Variants in DIS3L2 observed in about 807,000 individuals in gnomAD.
The protein encoded by DIS3L2 is DIS3-like exonuclease 2.
Under a neutral mutation model 97.5 loss-of-function variants are expected in DIS3L2, and 34 were observed. That is an observed-to-expected ratio of 0.35 (90% CI 0.27 to 0.46). The LOEUF (loss-of-function observed/expected upper bound fraction) is 0.46, where lower values mean the gene tolerates loss of function less well. Among genes scored for constraint, DIS3L2 ranks in the 20% least tolerant of loss-of-function variants. The pLI is 1.00. For missense variants in DIS3L2, 1,038 were observed against 1,146.0 expected (o/e 0.91, Z 1.36); for synonymous variants, 435 against 445.2 (o/e 0.98, Z 0.29).
chr2:232,342,553 C>T (rs775597624), intron 13 of DIS3L2, among the ~76,000 whole-genome samples: 5 of 152,204 alleles, frequency 3.3e-5, no homozygotes, highest in Non-Finnish European at 7.4e-5. Flanking sequence ...ATGCTAATAG[C>T]ACAGGAATGA....
chr2:232,210,770 G>T (rs983712173), intron 10 of DIS3L2, among the ~76,000 whole-genome samples: 1 of 151,636 alleles, frequency 6.6e-6, no homozygotes, highest in Non-Finnish European at 1.5e-5. Flanking sequence ...GAGACATAGG[G>T]TTCTTTACCT....
intron 6 of DIS3L2, among the ~76,000 whole-genome samples, chr2:232,090,018 C>T (rs1414951979): frequency 6.6e-6 from 1 of 152,140 alleles, no homozygotes; most frequent in Non-Finnish European, 1.5e-5. Context: ...CAGCCTTGTC[C>T]TCCTGGGCTC....
chr2:232,045,543 T>C (rs1695215586), intron 5 of DIS3L2, among the ~76,000 whole-genome samples: 1 of 152,186 alleles, frequency 6.6e-6, no homozygotes, highest in Non-Finnish European at 1.5e-5. Context: ...AGGAATGCTG[T>C]GTCCTCACAT....
At chr2:232,081,696 G>T (rs1696405401) in intron 5 of DIS3L2, among the ~76,000 whole-genome samples, 1 of 152,144 alleles carries the variant, frequency 6.6e-6, no homozygotes. Flanking sequence ...TAGCTTTCTT[G>T]TTTTCCCAGT....
intron 5 of DIS3L2, among the ~76,000 whole-genome samples, chr2:232,034,401 T>C (rs898324434): frequency 7.2e-5 from 11 of 152,144 alleles, no homozygotes; most frequent in African/African-American, 1.2e-4. Flanking sequence ...ATTTTGTTAA[T>C]GTTTTCAAAA....
chr2:232,091,291 C>G (rs944126941), intron 6 of DIS3L2, among the ~76,000 whole-genome samples: 3 of 152,136 alleles, frequency 2.0e-5, no homozygotes, highest in Admixed American at 2.0e-4. Flanking sequence ...TAACCATTGC[C>G]ACTTCTCCCC....
chr2:232,056,818 C>T (rs113897851), intron 5 of DIS3L2, among the ~76,000 whole-genome samples: 8 of 152,210 alleles, frequency 5.3e-5, no homozygotes, highest in Admixed American at 1.3e-4. Flanking sequence ...TTCTCATATA[C>T]TGCTAGTGGG....
At chr2:231,987,921 G>A (rs1393622535) in intron 1 of DIS3L2, among the ~76,000 whole-genome samples, 4 of 151,922 alleles carry the variant, frequency 2.6e-5, no homozygotes, top group South Asian at 2.1e-4. Context: ...CTCACTGTGC[G>A]CGACCTCTGC....
intron 5 of DIS3L2, among the ~76,000 whole-genome samples, chr2:232,046,003 G>A (rs940327812): frequency 1.3e-5 from 2 of 152,086 alleles, no homozygotes; most frequent in African/African-American, 4.8e-5. Context: ...TAACACTGGC[G>A]ACACCTGAAT....
At position 232,064,467 on chromosome 2, in the gene DIS3L2, TTGA is replaced by T. The variant is rs138737517; in HGVS notation, c.367-23015_367-23013del. Among the ~76,000 whole-genome samples the T allele has an allele frequency of 8.3e-3, 1,268 of 152,324 alleles. 16 individuals are homozygous for T. The highest frequency in any genetic ancestry group is 0.03 in the African/African-American group (1,230 of 41,568). On this transcript the variant is annotated intron_variant, in intron 5 of 20. Coordinates refer to ENST00000325385, the MANE Select transcript of DIS3L2 (RefSeq NM_152383.5). ...AGGACATTTTGGTTGTTTTCAGTTT[TTGA>T]TGATTAAGAACAATGCCCCTGTGAA...
At chr2:232,075,312 G>A (rs768377036) in intron 5 of DIS3L2, among the ~76,000 whole-genome samples, 3 of 152,212 alleles carry the variant, frequency 2.0e-5, no homozygotes, top group Non-Finnish European at 4.4e-5. Flanking sequence ...CAGTTAATGT[G>A]TATAAAAGCA....
chr2:232,300,884 G>A (rs962460008), intron 14 of DIS3L2, among the ~76,000 whole-genome samples: 7 of 151,976 alleles, frequency 4.6e-5, no homozygotes, highest in African/African-American at 1.7e-4. Flanking sequence ...GAACTCCTGA[G>A]CTCAAGCGAT....
In DIS3L2 at chr2:232,024,153, T is replaced by C. The variant is rs577428896; in HGVS notation, c.211-124T>C. 44 of 625,102 alleles carry C rather than the reference T, an allele frequency of 7.0e-5. No individual in the cohort carries two copies. The African/African-American group carries it at 7.2e-4, about 10-fold the overall frequency. The allele number at this position is 625,102 out of a possible 1,614,324, so 38.7% of individuals were successfully genotyped here. On this transcript the variant is annotated intron_variant, in intron 3 of 20. Transcript: ENST00000325385. Reference sequence around the variant, plus strand: ...TCCTGCATTTAATGAATATTTCTTATACATCTAACTTGTTTTCTCAAGTGA... The same window carrying C: ...TCCTGCATTTAATGAATATTTCTTACACATCTAACTTGTTTTCTCAAGTGA...
chr2:232,337,687 C>T (rs1422693250), downstream of DIS3L2, among the ~76,000 whole-genome samples: 1 of 152,040 alleles, frequency 6.6e-6, no homozygotes, highest in African/African-American at 2.4e-5. Context: ...TGAGCACGGC[C>T]TCTGTTCCCC....
downstream of DIS3L2, among the ~76,000 whole-genome samples, chr2:232,339,213 T>G (rs1471544725): frequency 1.3e-5 from 2 of 152,146 alleles, no homozygotes; most frequent in African/African-American, 4.8e-5. Flanking sequence ...TTACACAGCC[T>G]GGGGTGGCAG....
At chr2:232,300,224 G>A (rs1278430449) in intron 14 of DIS3L2, 105 bp downstream of exon 14, 1 of 1,056,306 alleles carries the variant, frequency 9.5e-7, no homozygotes. Flanking sequence ...GTCAGGAAGG[G>A]AATACACCTT....
intron 5 of DIS3L2, among the ~76,000 whole-genome samples, chr2:232,060,393 T>G (rs918134850): frequency 6.6e-6 from 1 of 152,122 alleles, no homozygotes; most frequent in African/African-American, 2.4e-5. Flanking sequence ...TTTTAATCCA[T>G]TTTGATGTGA....
chr2:231,982,242 A>G (rs1014869003), intron 1 of DIS3L2, among the ~76,000 whole-genome samples: 3 of 152,100 alleles, frequency 2.0e-5, no homozygotes, highest in Non-Finnish European at 2.9e-5. Context: ...TTTTGCATCT[A>G]TGTTCATAAA....
At chr2:232,085,063 G>T (rs1244816084) in intron 5 of DIS3L2, among the ~76,000 whole-genome samples, 1 of 152,040 alleles carries the variant, frequency 6.6e-6, no homozygotes, top group Non-Finnish European at 1.5e-5. Context: ...CATGATCTTT[G>T]TGTTACTTTT....
Sources: gnomAD v4.1 joint callset for allele counts (sites outside exome capture counted in the v4.1 genomes callset) on GRCh38, gnomAD v4.1.1 for gene constraint, MANE v1.5 for transcripts, NCBI Gene and HGNC (gene_info 2026-07-23, HGNC 2026-07-21) for gene names.